CFAP299: variants seen among roughly 807,000 people sequenced by gnomAD.
CFAP299 encodes cilia and flagella associated protein 299.
In CFAP299, 21 loss-of-function variants were observed where a neutral mutation model predicts 27.0. That is an observed-to-expected ratio of 0.78 (90% CI 0.55 to 1.12). The LOEUF (loss-of-function observed/expected upper bound fraction) is 1.12. Among genes scored for constraint, CFAP299 ranks in the 50% most tolerant of loss-of-function variants. The probability of loss-of-function intolerance (pLI) is 0.00; values close to 1 mark genes in which losing one functional copy is unlikely to be tolerated. For missense variants in CFAP299, 310 were observed against 276.6 expected (o/e 1.12, Z -0.86); for synonymous variants, 104 against 98.1 (o/e 1.06, Z -0.36).
chr4:80,548,521 A>C (rs4342180), intron 2 of CFAP299, among the ~76,000 whole-genome samples: 152,208 of 152,212 alleles, frequency 1, 76,102 homozygotes, highest in Non-Finnish European at 1. Context: ...ACATGTACCA[A>C]CTGAACCTAA....
At chr4:80,638,353 C>T (rs753291281) in intron 3 of CFAP299, among the ~76,000 whole-genome samples, 17 of 152,100 alleles carry the variant, frequency 1.1e-4, no homozygotes, top group African/African-American at 3.1e-4. Flanking sequence ...TGCACTTTAT[C>T]GATATATGAA....
chr4:80,777,937 T>C (rs989264295), intron 3 of CFAP299, among the ~76,000 whole-genome samples: 2 of 152,172 alleles, frequency 1.3e-5, no homozygotes, highest in African/African-American at 2.4e-5. Flanking sequence ...TTTACTATTT[T>C]ATCCACATTT....
At position 80,387,605 on chromosome 4, in the gene CFAP299, G is replaced by A. The variant is rs561270087; in HGVS notation, c.242+24721G>A. The A allele has an allele frequency of 5.2e-4, 648 of 1,253,600 alleles. 1 individual carries two copies. The highest frequency in any genetic ancestry group is 7.0e-4 in the Non-Finnish European group (594 of 853,910). The allele number at this position is 1,253,600 out of a possible 1,614,324, so 77.7% of individuals were successfully genotyped here. ...AAGACCTGTACAGTCACAGAGTTTC[G>A]AGACACAGTGCCACCACCGTGTCCT... is the stretch of plus-strand genomic sequence containing the variant. On this transcript the variant is annotated intron_variant, in intron 2 of 5. Coordinates refer to ENST00000358105, the MANE Select transcript of CFAP299 (RefSeq NM_152770.3).
intron 3 of CFAP299, among the ~76,000 whole-genome samples, chr4:80,784,897 T>C (rs879049292): frequency 6.6e-6 from 1 of 152,212 alleles, no homozygotes; most frequent in Admixed American, 6.5e-5. Context: ...TCAGGTTATT[T>C]GTTTTTTTCC....
At chr4:80,331,535 AT>A (rs1721940081), upstream of CFAP299, among the ~76,000 whole-genome samples, 1 of 152,174 alleles carries the variant, frequency 6.6e-6, no homozygotes, top group East Asian at 1.9e-4. Context: ...TTGGAGAGAA[AT>A]TTAAGCCTTC....
rs193146221 is a variant in CFAP299, at chr4:80,836,843, C to T, written c.334-33150C>T. Among the ~76,000 whole-genome samples the T allele has an allele frequency of 2.3e-3, 344 of 151,982 alleles. 1 individual carries two copies. Among genetic ancestry groups the T allele is most frequent in the Non-Finnish European group, 3.5e-3 (237 of 67,954 alleles). ...TTTCATATTATTCTTAGAAAACAAA[C>T]GACTTTTTGATTATTTTTATATGAC... On this transcript the variant is annotated intron_variant, in intron 3 of 5. Transcript: ENST00000358105.
At chr4:80,639,305 A>G (rs1739605507) in intron 3 of CFAP299, among the ~76,000 whole-genome samples, 1 of 152,210 alleles carries the variant, frequency 6.6e-6, no homozygotes, top group East Asian at 1.9e-4. Context: ...TAAGGAGCTT[A>G]GGGGACTGCA....
intron 3 of CFAP299, among the ~76,000 whole-genome samples, chr4:80,693,699 T>A (rs181233609): frequency 0.043 from 6,210 of 143,278 alleles, 426 homozygotes; most frequent in African/African-American, 0.14. Context: ...AATAATAATT[T>A]AAAAAAAAAA....
chr4:80,422,380 A>G (rs1292206629), intron 2 of CFAP299, among the ~76,000 whole-genome samples: 5 of 152,152 alleles, frequency 3.3e-5, no homozygotes, highest in Non-Finnish European at 7.4e-5. Context: ...AATTAAAAAA[A>G]AAAAAAATTC....
chr4:80,511,301 A>T (rs1359603161), intron 2 of CFAP299, among the ~76,000 whole-genome samples: 2 of 152,196 alleles, frequency 1.3e-5, no homozygotes, highest in East Asian at 3.9e-4. Flanking sequence ...AGCTTTGTAT[A>T]GATGTTGGTA....
At chr4:80,803,738 T>C (rs1728726884) in intron 3 of CFAP299, among the ~76,000 whole-genome samples, 1 of 149,112 alleles carries the variant, frequency 6.7e-6, no homozygotes, top group Admixed American at 6.7e-5. Context: ...GTATAATATA[T>C]ATTTTATTTA....
At chr4:80,790,760 A>G (rs886323302) in intron 3 of CFAP299, among the ~76,000 whole-genome samples, 8 of 152,028 alleles carry the variant, frequency 5.3e-5, no homozygotes, top group Non-Finnish European at 1.2e-4. Context: ...CCAAACTAAT[A>G]CAAACCACAA....
chr4:80,907,887 A>G (rs1307816545), intron 4 of CFAP299, among the ~76,000 whole-genome samples: 1 of 152,170 alleles, frequency 6.6e-6, no homozygotes, highest in Admixed American at 6.5e-5. Flanking sequence ...ATGGAAAAAA[A>G]CATTGAGTTC....
Position 80,448,422 on chromosome 4 carries a change from G to A in CFAP299, c.242+85538G>A, listed in dbSNP as rs190090813. On this transcript the variant is annotated intron_variant, in intron 2 of 5. Coordinates refer to ENST00000358105, the MANE Select transcript of CFAP299 (RefSeq NM_152770.3). ...TAAAATTAATTATATGGTTATTTGA[G>A]TCTATCTTTGGGATGCTATTTAATA... Among the ~76,000 whole-genome samples, 89 of 152,172 alleles carry A rather than the reference G, an allele frequency of 5.8e-4. 1 individual carries two copies. In the Middle Eastern group the frequency reaches 0.01, roughly 17 times the overall value.
At chr4:80,858,456 G>T in intron 3 of CFAP299, among the ~76,000 whole-genome samples, 1 of 152,146 alleles carries the variant, frequency 6.6e-6, no homozygotes, top group Non-Finnish European at 1.5e-5. Context: ...GTTAGCTTTT[G>T]AATGTGTTTG....
At chr4:80,768,505 A>G (rs930398348) in intron 3 of CFAP299, among the ~76,000 whole-genome samples, 6 of 152,226 alleles carry the variant, frequency 3.9e-5, no homozygotes, top group Non-Finnish European at 7.4e-5. Flanking sequence ...GTTTATACAC[A>G]GTAGAGTCAA....
intron 3 of CFAP299, among the ~76,000 whole-genome samples, chr4:80,698,742 C>T (rs1292946607): frequency 6.6e-6 from 1 of 152,174 alleles, no homozygotes; most frequent in Non-Finnish European, 1.5e-5. Flanking sequence ...GAAGGGAAGG[C>T]AGGCACATCT....
intron 2 of CFAP299, among the ~76,000 whole-genome samples, chr4:80,525,286 A>G (rs1733115413): frequency 6.6e-6 from 1 of 152,158 alleles, no homozygotes; most frequent in African/African-American, 2.4e-5. Flanking sequence ...ACTGGTTGTC[A>G]TTTCAGGATG....
the CFAP299 span, among the ~76,000 whole-genome samples, chr4:80,327,750 T>TATAAC: frequency 4.1e-5 from 6 of 144,604 alleles, no homozygotes; most frequent in African/African-American, 1.0e-4. Context: ...TATATATATG[T>TATAAC]TGAGAAAGCT....
Sources: gnomAD v4.1 joint callset for allele counts (sites outside exome capture counted in the v4.1 genomes callset) on GRCh38, gnomAD v4.1.1 for gene constraint, MANE v1.5 for transcripts, NCBI Gene and HGNC (gene_info 2026-07-23, HGNC 2026-07-21) for gene names.